The following MAD1L1 variants were observed in gnomAD, a reference collection of about 807,000 sequenced individuals.
MAD1L1 encodes the protein mitotic arrest deficient 1 like 1.
In MAD1L1, 95 loss-of-function variants were observed where a neutral mutation model predicts 96.9. The observed-to-expected ratio is 0.98, with a 90% CI of 0.83 to 1.16. The LOEUF is 1.16. Among genes scored for constraint, MAD1L1 ranks in the 50% most tolerant of loss-of-function variants. The pLI is 0.00. For missense variants in MAD1L1, 1,007 were observed against 954.4 expected (o/e 1.06, Z -0.73); for synonymous variants, 473 against 396.6 (o/e 1.19, Z -2.29).
chr7:2,042,137 G>A (rs369932014), intron 12 of MAD1L1, among the ~76,000 whole-genome samples: 4 of 149,792 alleles, frequency 2.7e-5, no homozygotes, highest in Non-Finnish European at 4.4e-5. Context: ...ACATGCACAC[G>A]GACATGCAGA....
intron 11 of MAD1L1, among the ~76,000 whole-genome samples, chr7:2,111,173 G>A (rs986022267): frequency 1.1e-4 from 17 of 152,168 alleles, no homozygotes; most frequent in Non-Finnish European, 2.4e-4. Context: ...CACACCGAGC[G>A]TCCACTGTGC....
At chr7:2,064,021 C>T (rs890102405) in intron 12 of MAD1L1, among the ~76,000 whole-genome samples, 1 of 152,174 alleles carries the variant, frequency 6.6e-6, no homozygotes, top group African/African-American at 2.4e-5. Flanking sequence ...TCTCCCGTAG[C>T]AGGCCGGCTC....
intron 12 of MAD1L1, among the ~76,000 whole-genome samples, chr7:2,059,016 G>A (rs1330139945): frequency 4.2e-5 from 5 of 118,958 alleles, no homozygotes; most frequent in Admixed American, 1.6e-4. Context: ...TGTGGCCAGA[G>A]GAGAGAAGCA....
At chr7:2,086,928 C>T (rs1785948203) in intron 11 of MAD1L1, among the ~76,000 whole-genome samples, 1 of 152,128 alleles carries the variant, frequency 6.6e-6, no homozygotes, top group Non-Finnish European at 1.5e-5. Flanking sequence ...GGAGATGTGG[C>T]CAGGAATCCT....
At chr7:2,184,580 T>C (rs1016351924) in intron 10 of MAD1L1, among the ~76,000 whole-genome samples, 8 of 152,054 alleles carry the variant, frequency 5.3e-5, no homozygotes, top group Non-Finnish European at 2.9e-5. Context: ...AATGGAAACA[T>C]AGGAGCACAT....
At chr7:1,838,753 C>A (rs780592010) in intron 18 of MAD1L1, 3 of 471,014 alleles carry the variant, frequency 6.4e-6, no homozygotes, top group Admixed American at 2.4e-5. Flanking sequence ...GATGGCTGCA[C>A]GCTCTGTAGA....
In MAD1L1 at chr7:2,114,684, A is replaced by T. The variant is rs1787570532; in HGVS notation, c.1073+34468T>A. 6.6e-6 allele frequency among the ~76,000 whole-genome samples: 1 copy of T among 152,214 alleles called. No individual in the cohort carries two copies. The highest frequency in any genetic ancestry group is 2.1e-4 in the South Asian group (1 of 4,832). On this transcript the variant is annotated intron_variant, in intron 11 of 18. Transcript: ENST00000265854. The surrounding 1 kb of genome is among the most constrained non-coding windows in gnomAD (Gnocchi z 4.2). ...TGTAAACAACTTTTGTTTTTTTAAC[A>T]AAGTTTTGATGGAGCACAGCCACCC...
Position 1,957,836 on chromosome 7 carries a change from C to T in MAD1L1, c.1506-117G>A, listed in dbSNP as rs184908332. On this transcript the variant is annotated intron_variant, in intron 15 of 18. Transcript: ENST00000265854. ...GAGACCCAGCTATACAGCTTTATTT[C>T]TAAATACATATCTGTGAAGCTCTCA... The T allele has an allele frequency of 2.9e-5, 23 of 792,484 alleles. No individual in the cohort carries two copies. In the East Asian group the frequency reaches 5.3e-4, roughly 18 times the overall value. 49.1% of individuals were successfully genotyped at this position (792,484 alleles called of 1,614,324 possible).
rs1789102390 is a variant in MAD1L1, at chr7:2,142,739, G to C, written c.1073+6413C>G. 6.6e-6 allele frequency among the ~76,000 whole-genome samples: 1 copy of C among 152,236 alleles called. No individual in the cohort carries two copies. The highest frequency in any genetic ancestry group is 1.5e-5 in the Non-Finnish European group (1 of 68,036). Reference sequence around the variant, plus strand: ...GCCGAACGGACGCAACAAGGCCTCTGGCCATGTCAAACCCCAGGGGCCCCC... The same window carrying C: ...GCCGAACGGACGCAACAAGGCCTCTCGCCATGTCAAACCCCAGGGGCCCCC... On this transcript the variant is annotated intron_variant, in intron 11 of 18. Transcript: ENST00000265854. The surrounding 1 kb of genome is among the most constrained non-coding windows in gnomAD (Gnocchi z 4.7).
chr7:2,054,851 G>A (rs1784322487), intron 12 of MAD1L1, among the ~76,000 whole-genome samples: 2 of 152,234 alleles, frequency 1.3e-5, no homozygotes, highest in South Asian at 2.1e-4. Flanking sequence ...GCGCTCGGCT[G>A]GGCCGTGCCC....
At chr7:1,899,090 T>C (rs1010097413) in intron 17 of MAD1L1, among the ~76,000 whole-genome samples, 3 of 152,170 alleles carry the variant, frequency 2.0e-5, no homozygotes, top group Non-Finnish European at 4.4e-5. Context: ...CCAGGCCCAC[T>C]GCCCCTGACA....
chr7:1,904,390 T>C (rs1383400573), intron 17 of MAD1L1, among the ~76,000 whole-genome samples: 2 of 141,070 alleles, frequency 1.4e-5, no homozygotes, highest in African/African-American at 2.9e-5. Context: ...AATTCATGAT[T>C]GATGAAGCAC....
chr7:2,121,545 C>T (rs1484753029), intron 11 of MAD1L1, among the ~76,000 whole-genome samples: 1 of 152,238 alleles, frequency 6.6e-6, no homozygotes, highest in Non-Finnish European at 1.5e-5. Context: ...TTAGAAACCA[C>T]AGACCTCAGA....
intron 11 of MAD1L1, among the ~76,000 whole-genome samples, chr7:2,144,558 C>T (rs528760800): frequency 1.3e-5 from 2 of 152,298 alleles, no homozygotes; most frequent in African/African-American, 4.8e-5. Context: ...AAGATGACAG[C>T]ATGGCCACGG....
At chr7:2,204,376 G>A (rs149683193) in intron 10 of MAD1L1, among the ~76,000 whole-genome samples, 56 of 152,298 alleles carry the variant, frequency 3.7e-4, no homozygotes, top group African/African-American at 1.3e-3. Context: ...GACAAGAGCA[G>A]TGTCATGAGC....
intron 11 of MAD1L1, among the ~76,000 whole-genome samples, chr7:2,105,351 C>A (rs1264769961): frequency 2.7e-5 from 4 of 149,858 alleles, no homozygotes; most frequent in Non-Finnish European, 4.4e-5. Context: ...GAAGGCCACT[C>A]AGGGCAGAAC....
intron 13 of MAD1L1, among the ~76,000 whole-genome samples, chr7:2,006,517 C>T (rs751152093): frequency 1.6e-4 from 24 of 152,080 alleles, no homozygotes; most frequent in Non-Finnish European, 3.1e-4. Context: ...GTAAGAAAAA[C>T]AAAGAAAACA....
chr7:1,847,492 C>T (rs1403281594), intron 18 of MAD1L1: 2 of 471,028 alleles, frequency 4.2e-6, no homozygotes, highest in East Asian at 6.9e-5. Context: ...ACTGGGCGGC[C>T]ACTGCAGGGG....
chr7:1,938,600 G>C (rs1393478540), intron 16 of MAD1L1, among the ~76,000 whole-genome samples: 1 of 152,220 alleles, frequency 6.6e-6, no homozygotes, highest in Non-Finnish European at 1.5e-5. Context: ...GGGCATGTCA[G>C]AAATAACCAA....
Sources: gnomAD v4.1 joint callset for allele counts (sites outside exome capture counted in the v4.1 genomes callset) on GRCh38, gnomAD v4.1.1 for gene constraint, Gnocchi (gnomAD v3.1) non-coding constraint, MANE v1.5 for transcripts, NCBI Gene and HGNC (gene_info 2026-07-23, HGNC 2026-07-21) for gene names.